CCNE2: variants seen among roughly 807,000 people sequenced by gnomAD.
CCNE2 encodes the protein cyclin E2.
In CCNE2, 18 loss-of-function variants were observed where a neutral mutation model predicts 56.8. That is an observed-to-expected ratio of 0.32 (90% CI 0.22 to 0.47). CCNE2 has a LOEUF of 0.47. Ranked by LOEUF, CCNE2 falls within the 20% of genes least tolerant of loss-of-function variation. CCNE2 has a pLI of 1.00. For synonymous variants in CCNE2, 139 were observed against 149.2 expected (o/e 0.93, Z 0.50); for missense variants, 371 against 467.1 (o/e 0.79, Z 1.90).
In CCNE2 at chr8:94,881,703, A is replaced by G. The variant is rs753412181; in HGVS notation, c.1144T>C (p.Leu382=). The change falls in exon 12 of 12, where the codon TTG becomes CTG. Residue 382 remains leucine (L), a synonymous_variant. Transcript: ENST00000308108. ...ATGCCTCCATTGCACACTGGTGACA[A>G]CTGTCCCCCTTTTCTGAAGGTGTTT... The part of the protein sequence containing the change: ...YINTFRKGGQ[L]SPVCNGGIMT... 6.2e-6 allele frequency: 10 copies of G among 1,613,612 alleles called. No individual in the cohort carries two copies. The highest frequency in any genetic ancestry group is 4.5e-5 in the East Asian group (2 of 44,874).
rs192292606 is a variant in CCNE2 at position 94,892,086 on chromosome 8, A to G, written c.317+732T>C. The G allele has an allele frequency of 3.3e-4, 219 of 658,634 alleles. 1 individual carries two copies. The highest frequency in any genetic ancestry group is 9.3e-5 in the Non-Finnish European group (33 of 356,082). The allele number at this position is 658,634 out of a possible 1,614,324, so 40.8% of individuals were successfully genotyped here. Reference sequence around the variant, plus strand: ...TATCCCAGAAGAAACTGAAGAAACAAAAACTTATGGCACAGGAGTAAATTC... The same window carrying G: ...TATCCCAGAAGAAACTGAAGAAACAGAAACTTATGGCACAGGAGTAAATTC... On this transcript the variant is annotated intron_variant, in intron 5 of 11. Coordinates refer to ENST00000308108, the MANE Select transcript of CCNE2 (RefSeq NM_057749.3).
rs527429459 is a variant in CCNE2 at position 94,880,880 on chromosome 8, C to T, written c.*752G>A. 1.5e-5 allele frequency: 6 copies of T among 398,640 alleles called. No individual in the cohort carries two copies. The highest frequency in any genetic ancestry group is 2.7e-5 in the Non-Finnish European group (6 of 225,898). The allele number at this position is 398,640 out of a possible 1,614,324, so 24.7% of individuals were successfully genotyped here. On this transcript the variant is annotated 3_prime_UTR_variant, in exon 12 of 12. Coordinates refer to ENST00000308108, the MANE Select transcript of CCNE2 (RefSeq NM_057749.3). Reference sequence around the variant, plus strand: ...ATTGTGATATACAAAAAGGTTATTACCAAGCAACCTACATGTCAAGAAAGC... The same window carrying T: ...ATTGTGATATACAAAAAGGTTATTATCAAGCAACCTACATGTCAAGAAAGC...
Position 94,885,052 on chromosome 8 carries a change from TA to T in CCNE2, c.831+14del. On this transcript the variant is annotated intron_variant, in intron 9 of 11. Coordinates refer to ENST00000308108, the MANE Select transcript of CCNE2 (RefSeq NM_057749.3). Reference sequence around the variant, plus strand: ...ATTAATAACATTACCATTGAATCAATAAAAATGTCAGTACCTGAGCTATTTG... The same window carrying T: ...ATTAATAACATTACCATTGAATCAATAAAATGTCAGTACCTGAGCTATTTG... The T allele has an allele frequency of 1.9e-6, 3 of 1,609,274 alleles. No homozygotes were observed. The highest frequency in any genetic ancestry group is 1.7e-4 in the Middle Eastern group (1 of 5,914).
chr8:94,895,277 T>C, upstream of CCNE2: 2 of 983,594 alleles, frequency 2.0e-6, no homozygotes, highest in Non-Finnish European at 2.4e-6. Context: ...GACTGACACC[T>C]CCGGACAGCG....
chr8:94,883,081 C>T (rs1043317357), intron 9 of CCNE2, among the ~76,000 whole-genome samples, 189 bp from the exon 10 acceptor site: 8 of 152,024 alleles, frequency 5.3e-5, no homozygotes, highest in Non-Finnish European at 1.2e-4. Context: ...CGAGACCATC[C>T]TGGCTAACAC....
chr8:94,883,875 T>C (rs371682935), intron 9 of CCNE2: 1 of 456,110 alleles, frequency 2.2e-6, no homozygotes. Context: ...AAACTTCAAT[T>C]CTGTTTGTCC....
upstream of CCNE2, among the ~76,000 whole-genome samples, chr8:94,896,163 A>G (rs1021380831): frequency 6.6e-6 from 1 of 151,804 alleles, no homozygotes; most frequent in African/African-American, 2.4e-5. Flanking sequence ...GGGGCCCGGG[A>G]ACGGCATTCC....
rs948017329 is a variant in CCNE2 at position 94,894,453 on chromosome 8, G to A, written c.-26-206C>T. 2.8e-5 allele frequency: 16 copies of A among 565,400 alleles called. 1 individual carries two copies. Among genetic ancestry groups the A allele is most frequent in the South Asian group, 6.8e-5 (3 of 43,848 alleles). 35.0% of individuals were successfully genotyped at this position (565,400 alleles called of 1,614,324 possible). On this transcript the variant is annotated intron_variant, in intron 1 of 11. Coordinates refer to ENST00000308108, the MANE Select transcript of CCNE2 (RefSeq NM_057749.3). The stretch of plus-strand genomic sequence containing the variant: ...CTGCATTTCCTCAACTGAATGTACA[G>A]CTGGAACGCGAGTGTCCAAAAATTT...
chr8:94,891,360 T>G (rs926088938), intron 5 of CCNE2: 1 of 249,838 alleles, frequency 4.0e-6, no homozygotes, highest in African/African-American at 2.3e-5. Flanking sequence ...GGTATGCATA[T>G]ATGAAAAACC....
intron 7 of CCNE2, among the ~76,000 whole-genome samples, 169 bp from the exon 8 acceptor site, chr8:94,885,727 C>CT (rs747420459): frequency 0.19 from 21,957 of 114,174 alleles, 2,384 homozygotes; most frequent in Middle Eastern, 0.25. Flanking sequence ...CATTTTCTTT[C>CT]TTTTTTTTTT....
At chr8:94,881,915 C>CT (rs1324365996) in intron 11 of CCNE2, 170 bp from the exon 12 acceptor site, 2 of 899,200 alleles carry the variant, frequency 2.2e-6, no homozygotes, top group Admixed American at 3.1e-5. Flanking sequence ...TTTTTAAACT[C>CT]TTTATCTAGA....
chr8:94,891,915 A>T, intron 5 of CCNE2: 1 of 1,308,976 alleles, frequency 7.6e-7, no homozygotes, highest in Non-Finnish European at 1.1e-6. Flanking sequence ...AAGTGAACAA[A>T]GCACCTACGA....
At chr8:94,882,425 C>T in intron 10 of CCNE2, 136 bp from the exon 11 acceptor site, 6 of 689,892 alleles carry the variant, frequency 8.7e-6, no homozygotes, top group Non-Finnish European at 1.4e-5. Flanking sequence ...TTTAGCATGT[C>T]AAAACAGATT....
chr8:94,886,450 T>C (rs1363782742), intron 7 of CCNE2, among the ~76,000 whole-genome samples: 1 of 152,054 alleles, frequency 6.6e-6, no homozygotes, highest in East Asian at 1.9e-4. Context: ...CTCACACCTA[T>C]AAGCCCAGCA....
upstream of CCNE2, among the ~76,000 whole-genome samples, chr8:94,896,290 G>A (rs1191130640): frequency 2.0e-5 from 3 of 148,526 alleles, no homozygotes; most frequent in Admixed American, 6.7e-5. Flanking sequence ...CCGCCAGCGC[G>A]CCCTGCGGAG....
rs1817001988 is a variant in CCNE2 at position 94,885,493 on chromosome 8, A to C, written c.666T>G (p.Asp222Glu). 6.2e-7 allele frequency: 1 copy of C among 1,606,554 alleles called. No individual in the cohort carries two copies. The highest frequency in any genetic ancestry group is 8.5e-7 in the Non-Finnish European group (1 of 1,174,668). Residue 222 changes from aspartate to glutamate, a missense_variant, in exon 8 of 12, where the codon GAT (aspartate) becomes GAG (glutamate). Coordinates refer to ENST00000308108, the MANE Select transcript of CCNE2 (RefSeq NM_057749.3). ...YVTDGACSEE[D>E]ILRMELIILK... ...ATATAATGAGTTCCATCCTTAAGATATCCTCTTCACTGCAAGCACCATCAG... is the reference window on the plus strand; with the variant it reads ...ATATAATGAGTTCCATCCTTAAGATCTCCTCTTCACTGCAAGCACCATCAG...
At position 94,885,544 on chromosome 8, in the gene CCNE2, A is replaced by T. The variant is rs759784230; in HGVS notation, c.615T>A (p.Pro205=). The change falls in exon 8 of 12, where the codon CCT becomes CCA. Residue 205 remains proline (P), a synonymous_variant. Coordinates refer to ENST00000308108, the MANE Select transcript of CCNE2 (RefSeq NM_057749.3). ...TGACGTAAGCAAACTCTTGGAGTTTAGGAGCATAGATTTCCTTTAAATTGT... is the reference window on the plus strand; with the variant it reads ...TGACGTAAGCAAACTCTTGGAGTTTTGGAGCATAGATTTCCTTTAAATTGT... ...IASKLEEIYA[P]KLQEFAYVTD... 5 of 1,592,824 alleles carry T rather than the reference A, an allele frequency of 3.1e-6. No individual in the cohort carries two copies. The highest frequency in any genetic ancestry group is 3.4e-6 in the Non-Finnish European group (4 of 1,165,282).
rs200858036 is a variant in CCNE2 at position 94,892,806 on chromosome 8, A to T, written c.317+12T>A. On this transcript the variant is annotated intron_variant, in intron 5 of 11. Transcript: ENST00000308108. ...TATATCTTTGAAATAAAATTACTGAAATTTTTCTTACCTTAAATCAGGCAA... is the reference window on the plus strand; with the variant it reads ...TATATCTTTGAAATAAAATTACTGATATTTTTCTTACCTTAAATCAGGCAA... The T allele has an allele frequency of 8.0e-5, 105 of 1,315,666 alleles. No homozygotes were observed. Among genetic ancestry groups the T allele is most frequent in the Non-Finnish European group, 1.0e-4 (100 of 965,984 alleles). The allele number at this position is 1,315,666 out of a possible 1,614,324, so 81.5% of individuals were successfully genotyped here. A position where few individuals can be genotyped will look rare whatever the true frequency, so the allele number is the denominator to read the frequency against.
In CCNE2 at chr8:94,881,052, A is replaced by C; in HGVS notation, c.*580T>G. The C allele has an allele frequency of 2.5e-6, 1 of 398,396 alleles. No individual in the cohort carries two copies. The highest frequency in any genetic ancestry group is 3.6e-5 in the East Asian group (1 of 27,988). The allele number at this position is 398,396 out of a possible 1,614,324, so 24.7% of individuals were successfully genotyped here. A position where few individuals can be genotyped will look rare whatever the true frequency, so the allele number is the denominator to read the frequency against. On this transcript the variant is annotated 3_prime_UTR_variant, in exon 12 of 12. Transcript: ENST00000308108. ...GCAAGGCAAATAAACTAGTTTAAAAAACATTAAATTTCACCATTTGTAGAA... is the reference window on the plus strand; with the variant it reads ...GCAAGGCAAATAAACTAGTTTAAAACACATTAAATTTCACCATTTGTAGAA...
Sources: gnomAD v4.1 joint callset for allele counts (sites outside exome capture counted in the v4.1 genomes callset) on GRCh38, gnomAD v4.1.1 for gene constraint, MANE v1.5 for transcripts, NCBI Gene and HGNC (gene_info 2026-07-23, HGNC 2026-07-21) for gene names.